The following NME7 variants were observed in gnomAD, a reference collection of about 807,000 sequenced individuals.
The protein encoded by NME7 is NME/NM23 family member 7.
NME7 carries 41 observed loss-of-function variants against 49.1 expected under a neutral mutation model. The ratio of observed to expected loss-of-function variants is 0.83; its 90% CI spans 0.65 to 1.08. The LOEUF is 1.08. NME7 is among the 50% of genes least tolerant of loss of function. The probability of loss-of-function intolerance (pLI) is 0.00; values close to 1 mark genes in which losing one functional copy is unlikely to be tolerated. For synonymous variants in NME7, 139 were observed against 150.6 expected (o/e 0.92, Z 0.56); for missense variants, 423 against 463.4 (o/e 0.91, Z 0.80).
At chr1:169,243,912 TAGTA>T (rs984498747) in intron 7 of NME7, among the ~76,000 whole-genome samples, 15 of 152,278 alleles carry the variant, frequency 9.9e-5, no homozygotes, top group African/African-American at 3.6e-4. Context: ...CCTTAATAAC[TAGTA>T]AGTGATAGAA....
intron 7 of NME7, among the ~76,000 whole-genome samples, chr1:169,240,565 A>G (rs1440251015): frequency 1.3e-5 from 2 of 151,870 alleles, no homozygotes. Context: ...ACTTTTTTTT[A>G]CCCTGTTACA....
intron 7 of NME7, among the ~76,000 whole-genome samples, chr1:169,242,194 T>A (rs948471084): frequency 6.6e-6 from 1 of 151,990 alleles, no homozygotes. Context: ...TTATACACCA[T>A]GACCAAGAGA....
intron 11 of NME7, among the ~76,000 whole-genome samples, chr1:169,151,595 C>A (rs1169220474): frequency 6.6e-6 from 1 of 152,132 alleles, no homozygotes; most frequent in Non-Finnish European, 1.5e-5. Context: ...GCTGTCCAGC[C>A]CCCTGAAGCC....
chr1:169,141,555 TG>T, intron 11 of NME7, among the ~76,000 whole-genome samples: 1 of 152,214 alleles, frequency 6.6e-6, no homozygotes, highest in East Asian at 1.9e-4. Flanking sequence ...GCTGATATGC[TG>T]AGTGTCCTCA....
intron 1 of NME7, among the ~76,000 whole-genome samples, chr1:169,355,254 TC>T (rs1178852572): frequency 4.7e-5 from 1 of 21,348 alleles, no homozygotes; most frequent in African/African-American, 1.1e-4. Flanking sequence ...ATATATTATA[TC>T]TATATATAAT....
rs74125208 is a variant in NME7, at chr1:169,169,372, T to C, written c.1098+75A>G. 2,468 of 1,337,284 alleles carry C rather than the reference T, an allele frequency of 1.8e-3. 48 individuals carry two copies. The African/African-American group carries it at 0.032, about 17-fold the overall frequency. The allele number at this position is 1,337,284 out of a possible 1,614,324, so 82.8% of individuals were successfully genotyped here. On this transcript the variant is annotated intron_variant, in intron 11 of 11. Coordinates refer to ENST00000367811, the MANE Select transcript of NME7 (RefSeq NM_013330.5). ...AAGTATAACAATAAAACAAAAAGTT[T>C]TCTTACACATCAGAACTCCTGAGAT...
intron 1 of NME7, among the ~76,000 whole-genome samples, chr1:169,357,581 T>C (rs1197148413): frequency 6.6e-6 from 1 of 152,136 alleles, no homozygotes. Context: ...TTTTTAATTA[T>C]GAAAAATATT....
chr1:169,207,229 C>A (rs867629733), intron 10 of NME7, among the ~76,000 whole-genome samples: 3 of 152,032 alleles, frequency 2.0e-5, no homozygotes, highest in Non-Finnish European at 2.9e-5. Context: ...CTCTTTTTAA[C>A]AAACAGTTCT....
Position 169,132,737 on chromosome 1 carries a change from A to C in NME7, c.*48T>G, listed in dbSNP as rs748411424. The C allele has an allele frequency of 2.7e-5, 42 of 1,556,332 alleles. No homozygotes were observed. Among genetic ancestry groups the C allele is most frequent in the Non-Finnish European group, 3.5e-5 (40 of 1,130,856 alleles). ...TGAACACATTCCTCGTGTGTGATTC[A>C]CTCTTGTCTAAATGTCCCAACCTGT... On this transcript the variant is annotated 3_prime_UTR_variant, in exon 12 of 12. Coordinates refer to ENST00000367811, the MANE Select transcript of NME7 (RefSeq NM_013330.5).
At chr1:169,226,621 A>C (rs1453320447) in intron 10 of NME7, among the ~76,000 whole-genome samples, 1 of 152,220 alleles carries the variant, frequency 6.6e-6, no homozygotes, top group Non-Finnish European at 1.5e-5. Context: ...CAGGAGTCTG[A>C]GACACAAGAT....
At chr1:169,321,423 C>T (rs1012998745) in intron 3 of NME7, among the ~76,000 whole-genome samples, 1 of 152,132 alleles carries the variant, frequency 6.6e-6, no homozygotes, top group East Asian at 1.9e-4. Flanking sequence ...AAGTGCATAT[C>T]ATAGTGTCTG....
intron 9 of NME7, among the ~76,000 whole-genome samples, chr1:169,234,758 C>A (rs1647790032): frequency 6.6e-6 from 1 of 152,046 alleles, no homozygotes; most frequent in South Asian, 2.1e-4. Context: ...ATTTAGGAAG[C>A]TGCAGGCTGG....
At chr1:169,301,442 G>A (rs959495530) in intron 5 of NME7, among the ~76,000 whole-genome samples, 2 of 152,140 alleles carry the variant, frequency 1.3e-5, no homozygotes, top group Admixed American at 1.3e-4. Flanking sequence ...CAAGACTATA[G>A]AGGAAAGAGA....
intron 10 of NME7, among the ~76,000 whole-genome samples, chr1:169,202,344 C>G (rs1208387667): frequency 6.6e-6 from 1 of 152,098 alleles, no homozygotes. Flanking sequence ...ATGGCACCCC[C>G]CTCCCCACCA....
At chr1:169,260,153 A>C (rs1649116046) in intron 7 of NME7, among the ~76,000 whole-genome samples, 2 of 133,616 alleles carry the variant, frequency 1.5e-5, no homozygotes, top group South Asian at 4.6e-4. Context: ...TAGAACTTTG[A>C]ACCATAGGTT....
At chr1:169,365,741 T>C (rs1653828392) in intron 1 of NME7, among the ~76,000 whole-genome samples, 1 of 152,032 alleles carries the variant, frequency 6.6e-6, no homozygotes, top group South Asian at 2.1e-4. Flanking sequence ...GCAGAGAAAA[T>C]AATGGATTGG....
At chr1:169,248,934 T>C (rs1013893691) in intron 7 of NME7, among the ~76,000 whole-genome samples, 18 of 152,090 alleles carry the variant, frequency 1.2e-4, no homozygotes, top group African/African-American at 4.1e-4. Context: ...TGTTTGTTTG[T>C]TTTTTTGCAT....
intron 11 of NME7, among the ~76,000 whole-genome samples, chr1:169,159,059 G>A (rs896055470): frequency 2.6e-5 from 4 of 152,176 alleles, no homozygotes; most frequent in East Asian, 1.9e-4. Context: ...AAAAAGGGGC[G>A]GCCACAGTAC....
intron 7 of NME7, chr1:169,285,847 G>A (rs547879344): frequency 6.6e-6 from 1 of 152,174 alleles, no homozygotes; most frequent in South Asian, 2.1e-4. Flanking sequence ...AATTAAAGAA[G>A]TATTAATTAT....
Sources: gnomAD v4.1 joint callset for allele counts (sites outside exome capture counted in the v4.1 genomes callset) on GRCh38, gnomAD v4.1.1 for gene constraint, MANE v1.5 for transcripts, NCBI Gene and HGNC (gene_info 2026-07-23, HGNC 2026-07-21) for gene names.